NLGN4Y: variants seen among roughly 807,000 people sequenced by gnomAD.
NLGN4Y encodes neuroligin-4, Y-linked.
NLGN4Y carries 4 observed loss-of-function variants against 8.4 expected under a neutral mutation model. The observed-to-expected ratio is 0.48, with a 90% CI of 0.23 to 1.09. The LOEUF (loss-of-function observed/expected upper bound fraction) is 1.09. NLGN4Y is among the 50% of genes least tolerant of loss of function. NLGN4Y has a pLI of 0.19. For synonymous variants in NLGN4Y, 35 were observed against 75.6 expected (o/e 0.46, Z 2.78); for missense variants, 90 against 192.3 (o/e 0.47, Z 3.15).
At chrY:14,686,633 G>T (rs2080792469) in intron 2 of NLGN4Y, among the ~76,000 whole-genome samples, 4 of 31,687 alleles carry the variant, frequency 1.3e-4, no homozygotes, top group Non-Finnish European at 2.3e-4. Flanking sequence ...ATGTCCCCTG[G>T]GTATCTCAGC....
chrY:14,674,254 CA>C (rs34100700), intron 2 of NLGN4Y, among the ~76,000 whole-genome samples: 23 of 21,437 alleles, frequency 1.1e-3, no homozygotes, highest in East Asian at 4.6e-3. Context: ...TAAATTCCCT[CA>C]AAAAAAAAAA....
At chrY:14,729,822 A>T (rs1010855988) in intron 4 of NLGN4Y, among the ~76,000 whole-genome samples, 1 of 33,407 alleles carries the variant, frequency 3.0e-5, no homozygotes, top group Non-Finnish European at 7.4e-5. Flanking sequence ...GACTTTGACC[A>T]GGGAAACACT....
chrY:14,730,137 C>T, intron 4 of NLGN4Y, among the ~76,000 whole-genome samples: 2 of 33,042 alleles, frequency 6.1e-5, no homozygotes, highest in Admixed American at 5.6e-4. Context: ...GGGCAGGGCA[C>T]GGTGGCTTAT....
At chrY:14,611,630 G>A in intron 1 of NLGN4Y, among the ~76,000 whole-genome samples, 1 of 29,353 alleles carries the variant, frequency 3.4e-5, no homozygotes, top group Non-Finnish European at 8.0e-5. Context: ...CTCTCTTCTG[G>A]CTTGTAGGGT....
chrY:14,799,661 C>T, intron 4 of NLGN4Y, among the ~76,000 whole-genome samples: 2 of 33,293 alleles, frequency 6.0e-5, no homozygotes, highest in Non-Finnish European at 1.5e-4. Context: ...TTCCCACAGA[C>T]CTCATCAGTT....
intron 2 of NLGN4Y, among the ~76,000 whole-genome samples, chrY:14,685,087 A>G: frequency 3.0e-5 from 1 of 33,253 alleles, no homozygotes; most frequent in Non-Finnish European, 7.4e-5. Flanking sequence ...CTTAGTTCCT[A>G]CGGCAGTATT....
intron 5 of NLGN4Y, among the ~76,000 whole-genome samples, chrY:14,826,899 AG>A (rs2043149329): frequency 9.0e-5 from 3 of 33,386 alleles, no homozygotes; most frequent in East Asian, 1.6e-3. Context: ...GGTGGCAGAG[AG>A]AGACCCTGTC....
At chrY:14,793,693 T>C (rs2042995941) in intron 4 of NLGN4Y, 1 of 32,460 alleles carries the variant, frequency 3.1e-5, no homozygotes, top group African/African-American at 1.2e-4. Flanking sequence ...GTGAGAAAAT[T>C]GTTAGCAGGG....
chrY:14,707,879 A>G (rs768230127), intron 2 of NLGN4Y, among the ~76,000 whole-genome samples: 5 of 33,514 alleles, frequency 1.5e-4, no homozygotes, highest in African/African-American at 2.3e-4. Context: ...AAAAGTGTCA[A>G]TTCTTGCTAA....
intron 2 of NLGN4Y, among the ~76,000 whole-genome samples, chrY:14,706,120 A>T (rs920174211): frequency 6.0e-5 from 2 of 33,568 alleles, no homozygotes; most frequent in Non-Finnish European, 1.5e-4. Context: ...TGTCATAGAG[A>T]TTCTGGCACT....
Position 14,626,656 on chromosome Y carries a change from T to C in NLGN4Y, c.472+4065T>C. 8.9e-5 allele frequency among the ~76,000 whole-genome samples: 3 copies of C among 33,663 alleles called. No individual in the cohort carries two copies. The South Asian group carries it at 2.0e-3, about 22-fold the overall frequency. 90.3% of individuals were successfully genotyped at this position (33,663 alleles called of 37,273 possible). On this transcript the variant is annotated intron_variant, in intron 2 of 6. Transcript: ENST00000684976. ...TTGGCGCTGTGTGCTTTGGGCAGCC[T>C]GCTTCCATTCCCTTATCTGGCCCCA...
chrY:14,543,098 G>A (rs2080156691), intron 1 of NLGN4Y, among the ~76,000 whole-genome samples: 1 of 33,008 alleles, frequency 3.0e-5, no homozygotes, highest in Non-Finnish European at 7.5e-5. Flanking sequence ...AAACCTGCAC[G>A]TTCTGCATAT....
chrY:14,733,464 C>T, intron 4 of NLGN4Y: 1 of 351,523 alleles, frequency 2.8e-6, no homozygotes, highest in South Asian at 3.6e-5. Flanking sequence ...ATGCAAGAGG[C>T]ACGTTTGTGT....
upstream of NLGN4Y, chrY:14,523,915 C>A (rs781049410): frequency 1.5e-4 from 9 of 61,227 alleles, no homozygotes; most frequent in Middle Eastern, 0.055. Flanking sequence ...CCGTGCTGCT[C>A]CTCCAAACTC....
intron 4 of NLGN4Y, among the ~76,000 whole-genome samples, chrY:14,822,487 G>A: frequency 2.9e-5 from 1 of 34,235 alleles, no homozygotes; most frequent in Non-Finnish European, 7.3e-5. Flanking sequence ...AACAAAATAA[G>A]CCAACAGATC....
intron 4 of NLGN4Y, among the ~76,000 whole-genome samples, chrY:14,812,510 C>T: frequency 3.0e-5 from 1 of 33,197 alleles, no homozygotes; most frequent in Admixed American, 2.8e-4. Context: ...CATCAGCTAA[C>T]AGGCTTAGAG....
chrY:14,539,429 T>C (rs2080141737), intron 1 of NLGN4Y, among the ~76,000 whole-genome samples: 1 of 33,594 alleles, frequency 3.0e-5, no homozygotes, highest in Non-Finnish European at 7.4e-5. Context: ...TTCACTTGAA[T>C]AGCAAGTAAA....
chrY:14,826,523 TAG>T (rs2043147275), intron 5 of NLGN4Y, among the ~76,000 whole-genome samples: 1 of 31,677 alleles, frequency 3.2e-5, no homozygotes, highest in Non-Finnish European at 7.6e-5. Context: ...CTATTTTTAG[TAG>T]AGATGGTTTT....
At chrY:14,771,341 C>T in intron 4 of NLGN4Y, among the ~76,000 whole-genome samples, 1 of 32,257 alleles carries the variant, frequency 3.1e-5, no homozygotes, top group Non-Finnish European at 7.6e-5. Flanking sequence ...ATCAGACAAA[C>T]AGTGGATCTC....
Sources: allele counts gnomAD v4.1 joint callset (sites outside exome capture counted in the v4.1 genomes callset), GRCh38; gene constraint gnomAD v4.1.1; transcripts MANE v1.5; gene names NCBI Gene and HGNC (gene_info 2026-07-23, HGNC 2026-07-21).